CCDC57: variants seen among roughly 807,000 people sequenced by gnomAD.
CCDC57 encodes the protein coiled-coil domain-containing protein 57.
Under a neutral mutation model 118.9 loss-of-function variants are expected in CCDC57, and 118 were observed. The observed-to-expected ratio is 0.99, with a 90% CI of 0.86 to 1.16. The LOEUF is 1.16. CCDC57 is among the 50% of genes most tolerant of loss of function. The pLI, the probability that CCDC57 is intolerant of heterozygous loss-of-function variation, is 0.00. For synonymous variants in CCDC57, 527 were observed against 532.9 expected, an observed-to-expected ratio of 0.99 and a Z score of 0.15; for missense variants, 1,300 against 1,320.7, an observed-to-expected ratio of 0.98 and a Z score of 0.24.
intron 7 of CCDC57, among the ~76,000 whole-genome samples, 183 bp downstream of exon 6, chr17:82,193,573 A>G (rs546160059): frequency 6.6e-6 from 1 of 152,092 alleles, no homozygotes; most frequent in South Asian, 2.1e-4. Context: ...GAAAGCAAGA[A>G]AGCAAGCAAG....
In CCDC57 at chr17:82,172,607, C is replaced by CTGT. The variant is rs1417109625; in HGVS notation, c.1729+30_1729+31insACA. Reference sequence around the variant, plus strand: ...CCTCCCTCCCTCTCCCCCTTCCTCTCCCGCTCTGTCCGTTTCTCCCACTTA... The same window carrying CTGT: ...CCTCCCTCCCTCTCCCCCTTCCTCTCTGTCCGCTCTGTCCGTTTCTCCCACTTA... On this transcript the variant is annotated intron_variant, in intron 12 of 19. Coordinates refer to ENST00000665763, the Ensembl canonical transcript of CCDC57. The surrounding 1 kb of genome is among the most constrained non-coding windows in gnomAD (Gnocchi z 5.2). 4 of 1,538,100 alleles carry CTGT rather than the reference C, an allele frequency of 2.6e-6. No homozygotes were observed. Among genetic ancestry groups the CTGT allele is most frequent in the Non-Finnish European group, 3.5e-6 (4 of 1,136,494 alleles).
At chr17:82,168,792 T>TAA (rs57467852) in intron 13 of CCDC57, among the ~76,000 whole-genome samples, 122 of 144,794 alleles carry the variant, frequency 8.4e-4, no homozygotes, top group Non-Finnish European at 1.6e-3. Context: ...TCAATTATCC[T>TAA]AAAAAAAAAA....
intron 11 of CCDC57, among the ~76,000 whole-genome samples, chr17:82,176,887 G>A (rs992849431): frequency 4.0e-5 from 6 of 151,132 alleles, no homozygotes; most frequent in Admixed American, 4.0e-4. Context: ...GTAGAGAGCA[G>A]TCTTTAGCCT....
chr17:82,129,820 G>A (rs1431795299), intron 17 of CCDC57, among the ~76,000 whole-genome samples: 1 of 152,122 alleles, frequency 6.6e-6, no homozygotes, highest in East Asian at 1.9e-4. Flanking sequence ...GGAGCCCAGA[G>A]TTCTAGGTTC....
chr17:82,168,680 A>G (rs1285218541), intron 13 of CCDC57, among the ~76,000 whole-genome samples: 1 of 152,200 alleles, frequency 6.6e-6, no homozygotes, highest in Non-Finnish European at 1.5e-5. Context: ...GCGAATGCTA[A>G]TCAAAAGAAA....
At chr17:82,180,128 G>A (rs1318463017) in intron 9 of CCDC57, among the ~76,000 whole-genome samples, 3 of 152,242 alleles carry the variant, frequency 2.0e-5, no homozygotes, top group Non-Finnish European at 4.4e-5. Context: ...TTGAGCCACC[G>A]TGTTGTGAGA....
At position 82,184,060 on chromosome 17, in the gene CCDC57, C is replaced by T. The variant is rs1443203695; in HGVS notation, c.1053-128G>A. ...ACACACACACACACACACACACACA[C>T]ACACACACACACACACACACACAGC... On this transcript the variant is annotated intron_variant, in intron 8 of 19. Coordinates refer to ENST00000665763, the Ensembl canonical transcript of CCDC57. 3.3e-5 allele frequency: 19 copies of T among 584,434 alleles called. 1 individual carries two copies. In the South Asian group the frequency reaches 4.1e-4, roughly 13 times the overall value. The allele number at this position is 584,434 out of a possible 1,614,324, so 36.2% of individuals were successfully genotyped here.
intron 1 of CCDC57, among the ~76,000 whole-genome samples, chr17:82,211,550 AT>A (rs11370590): frequency 0.013 from 1,843 of 145,086 alleles, 27 homozygotes; most frequent in African/African-American, 0.043. Context: ...GTTACAGATA[AT>A]TTTTTTTTTT....
chr17:82,162,444 G>A (rs1457813951), intron 14 of CCDC57, among the ~76,000 whole-genome samples: 3 of 152,218 alleles, frequency 2.0e-5, no homozygotes, highest in Non-Finnish European at 2.9e-5. Context: ...AGTAGGACCC[G>A]ACCCCCAAAA....
intron 11 of CCDC57, among the ~76,000 whole-genome samples, chr17:82,177,538 AC>A (rs2146365679): frequency 6.6e-6 from 1 of 152,258 alleles, no homozygotes; most frequent in South Asian, 2.1e-4. Flanking sequence ...ACAAAGCGAG[AC>A]CGAGACCGTG....
intron 19 of CCDC57, among the ~76,000 whole-genome samples, chr17:82,123,186 T>G (rs1369124925): frequency 1.4e-5 from 2 of 143,932 alleles, no homozygotes; most frequent in Non-Finnish European, 3.0e-5. Context: ...TGGAGTGCAG[T>G]GTGTAATCAC....
chr17:82,146,170 G>A (rs1408439248), intron 16 of CCDC57, among the ~76,000 whole-genome samples: 1 of 152,196 alleles, frequency 6.6e-6, no homozygotes, highest in African/African-American at 2.4e-5. Context: ...GCCACAGGCA[G>A]AGCAGGTCCT....
At chr17:82,156,858 C>T (rs571480245) in intron 15 of CCDC57, 3 of 152,720 alleles carry the variant, frequency 2.0e-5, no homozygotes, top group East Asian at 3.8e-4. Context: ...CCTCAGTCCA[C>T]TCTATTCCAG....
At chr17:82,112,652 G>A (rs1051317660) in intron 19 of CCDC57, 8 of 152,306 alleles carry the variant, frequency 5.3e-5, no homozygotes, top group African/African-American at 1.9e-4. Context: ...CCCTAGTGCA[G>A]TCTCAGCTCC....
chr17:82,184,057 A>G lies in CCDC57; in HGVS notation c.1053-125T>C, dbSNP rs1000980308. ...CACACACACACACACACACACACACACACACACACACACACACACACACAC... is the reference window on the plus strand; with the variant it reads ...CACACACACACACACACACACACACGCACACACACACACACACACACACAC... On this transcript the variant is annotated intron_variant, in intron 8 of 19. Transcript: ENST00000665763. The G allele has an allele frequency of 1.1e-4, 62 of 573,154 alleles. 2 individuals are homozygous for G. The highest frequency in any genetic ancestry group is 2.9e-4 in the South Asian group (13 of 45,030). The allele number at this position is 573,154 out of a possible 1,614,324, so 35.5% of individuals were successfully genotyped here.
chr17:82,138,740 G>A (rs759639445), intron 16 of CCDC57, among the ~76,000 whole-genome samples: 5 of 152,138 alleles, frequency 3.3e-5, no homozygotes, highest in South Asian at 2.1e-4. Context: ...CAGGTAACTT[G>A]TTCGTCTGAG....
In CCDC57 at chr17:82,108,398, A is replaced by G. The variant is rs535395935; in HGVS notation, c.2900-6532T>C. ...AGGAAAGAGGTTCGGCCCTGGTCACAGACTGGGCATAAAATCTGCATATTT... is the reference window on the plus strand; with the variant it reads ...AGGAAAGAGGTTCGGCCCTGGTCACGGACTGGGCATAAAATCTGCATATTT... On this transcript the variant is annotated intron_variant, in intron 19 of 19. Coordinates refer to ENST00000665763, the Ensembl canonical transcript of CCDC57. Among the ~76,000 whole-genome samples, 8 of 152,326 alleles carry G rather than the reference A, an allele frequency of 5.3e-5. No individual in the cohort carries two copies. In the South Asian group the frequency reaches 1.7e-3, roughly 32 times the overall value.
chr17:82,181,800 G>A (rs927557709), intron 9 of CCDC57, among the ~76,000 whole-genome samples: 13 of 152,190 alleles, frequency 8.5e-5, no homozygotes, highest in Admixed American at 7.2e-4. Flanking sequence ...AGAGTTTAAC[G>A]AAGAAGGAAC....
intron 5 of CCDC57, among the ~76,000 whole-genome samples, chr17:82,194,968 G>A (rs1371562492): frequency 6.6e-6 from 1 of 152,272 alleles, no homozygotes; most frequent in African/African-American, 2.4e-5. Flanking sequence ...TTTTCCTACT[G>A]ATCTGTGCAC....
Sources: gnomAD v4.1 joint callset for allele counts (sites outside exome capture counted in the v4.1 genomes callset) on GRCh38, gnomAD v4.1.1 for gene constraint, Gnocchi (gnomAD v3.1) non-coding constraint, MANE v1.5 for transcripts, NCBI Gene and HGNC (gene_info 2026-07-23, HGNC 2026-07-21) for gene names.